The following TBC1D22A variants were observed in gnomAD, a reference collection of about 807,000 sequenced individuals.
TBC1D22A encodes TBC1 domain family member 22A.
In TBC1D22A, 38 loss-of-function variants were observed where a neutral mutation model predicts 60.2. The ratio of observed to expected loss-of-function variants is 0.63; its 90% CI spans 0.49 to 0.83. The LOEUF (loss-of-function observed/expected upper bound fraction) is 0.83. Ranked by LOEUF, TBC1D22A falls within the 40% of genes least tolerant of loss-of-function variation. TBC1D22A has a pLI of 0.00. For synonymous variants in TBC1D22A, 302 were observed against 281.7 expected (o/e 1.07, Z -0.72); for missense variants, 628 against 701.0 (o/e 0.90, Z 1.18).
In TBC1D22A at chr22:47,173,030, G is replaced by C. The variant is rs750725667; in HGVS notation, c.1426-468G>C. Among the ~76,000 whole-genome samples the C allele has an allele frequency of 4.4e-4, 67 of 152,388 alleles. 1 individual carries two copies. In the Middle Eastern group the frequency reaches 0.017, roughly 39 times the overall value. ...GGGGTGCTGCGGTACTTCCTGGGCTGATACAGGCTTTGTGGGAGTGGGAAG... is the reference window on the plus strand; with the variant it reads ...GGGGTGCTGCGGTACTTCCTGGGCTCATACAGGCTTTGTGGGAGTGGGAAG... On this transcript the variant is annotated intron_variant, in intron 12 of 12. Coordinates refer to ENST00000337137, the MANE Select transcript of TBC1D22A (RefSeq NM_014346.5).
intron 11 of TBC1D22A, among the ~76,000 whole-genome samples, chr22:47,050,268 G>T (rs971348168): frequency 2.6e-5 from 4 of 151,754 alleles, no homozygotes; most frequent in African/African-American, 9.7e-5. Context: ...GCCCCCCAGG[G>T]TGCTGGGATT....
At chr22:47,096,161 G>A (rs1207268720) in intron 11 of TBC1D22A, among the ~76,000 whole-genome samples, 1 of 152,218 alleles carries the variant, frequency 6.6e-6, no homozygotes, top group Non-Finnish European at 1.5e-5. Flanking sequence ...CAGATCTGTT[G>A]TCTATTTCTT....
At chr22:46,878,083 G>A (rs1360588601) in intron 4 of TBC1D22A, among the ~76,000 whole-genome samples, 1 of 151,848 alleles carries the variant, frequency 6.6e-6, no homozygotes, top group Non-Finnish European at 1.5e-5. Context: ...TGAAGACTTT[G>A]TTGTCTGTGT....
At chr22:46,957,676 G>T (rs2073277181) in intron 8 of TBC1D22A, among the ~76,000 whole-genome samples, 1 of 152,248 alleles carries the variant, frequency 6.6e-6, no homozygotes, top group South Asian at 2.1e-4. Flanking sequence ...CGGGATCCCA[G>T]AATGAGGACA....
At chr22:46,868,032 C>T (rs1372005115) in intron 4 of TBC1D22A, among the ~76,000 whole-genome samples, 4 of 152,164 alleles carry the variant, frequency 2.6e-5, no homozygotes, top group South Asian at 2.1e-4. Context: ...GACTGGAAGC[C>T]GCCATTGTTT....
At chr22:47,128,647 A>G (rs947019081) in intron 12 of TBC1D22A, among the ~76,000 whole-genome samples, 3 of 152,060 alleles carry the variant, frequency 2.0e-5, no homozygotes, top group Non-Finnish European at 2.9e-5. Flanking sequence ...CCGTGTGTTT[A>G]TTAAATCATC....
Position 46,878,768 on chromosome 22 carries a change from A to T in TBC1D22A, c.708+45A>T, listed in dbSNP as rs369096474. 4.0e-5 allele frequency: 63 copies of T among 1,589,728 alleles called. No homozygotes were observed. The East Asian group carries it at 4.9e-4, about 12-fold the overall frequency. On this transcript the variant is annotated intron_variant, in intron 5 of 12. Coordinates refer to ENST00000337137, the MANE Select transcript of TBC1D22A (RefSeq NM_014346.5). Reference sequence around the variant, plus strand: ...CCATCAGCGCCTCCTTCCTGTGCACAGGGACTGCAGGCGTCTGGCCTGAGT... The same window carrying T: ...CCATCAGCGCCTCCTTCCTGTGCACTGGGACTGCAGGCGTCTGGCCTGAGT...
chr22:47,156,819 C>T (rs1028682311), intron 12 of TBC1D22A, among the ~76,000 whole-genome samples: 24 of 152,188 alleles, frequency 1.6e-4, no homozygotes, highest in African/African-American at 5.1e-4. Flanking sequence ...ACCCGGGAGC[C>T]ACTGCTGCCC....
Position 46,997,636 on chromosome 22 carries a change from C to A in TBC1D22A, c.1128C>A (p.Asp376Glu). The change falls in exon 10 of 13, where the codon GAC (aspartate) becomes GAA (glutamate). Residue 376 changes from aspartate to glutamate, a missense_variant and splice_region_variant. Transcript: ENST00000337137. ...CMSKLLDGIQ[D>E]NYTFAQPGIQ... ...TCACATTATTCTTTTTTCCTTAGGA[C>A]AACTACACCTTTGCCCAACCTGGGA... 3 of 1,613,216 alleles carry A rather than the reference C, an allele frequency of 1.9e-6. No individual in the cohort carries two copies. Among genetic ancestry groups the A allele is most frequent in the Non-Finnish European group, 2.5e-6 (3 of 1,179,452 alleles).
intron 1 of TBC1D22A, chr22:46,763,172 G>C (rs1243507066): frequency 3.1e-6 from 1 of 321,034 alleles, no homozygotes; most frequent in Non-Finnish European, 5.7e-6. Flanking sequence ...ATGCTGTGAA[G>C]TTTGGTGGAG....
chr22:46,870,911 G>A lies in TBC1D22A; in HGVS notation c.638-7742G>A, dbSNP rs114437147. Among the ~76,000 whole-genome samples the A allele has an allele frequency of 2.9e-3, 443 of 152,140 alleles. 4 individuals are homozygous for A. Among genetic ancestry groups the A allele is most frequent in the African/African-American group, 9.8e-3 (405 of 41,488 alleles). ...CCACCTCCCAACACTGTTGCACTGG[G>A]GATTAACTTTCCAACACATGAATTT... On this transcript the variant is annotated intron_variant, in intron 4 of 12. Transcript: ENST00000337137.
intron 1 of TBC1D22A, among the ~76,000 whole-genome samples, chr22:46,770,841 T>C (rs942618574): frequency 3.3e-5 from 5 of 152,324 alleles, no homozygotes; most frequent in African/African-American, 9.6e-5. Context: ...TCAGTCCTGT[T>C]TTCCATGCAG....
At chr22:46,904,868 G>A (rs1374908634) in intron 7 of TBC1D22A, among the ~76,000 whole-genome samples, 1 of 150,910 alleles carries the variant, frequency 6.6e-6, no homozygotes, top group African/African-American at 2.4e-5. Flanking sequence ...TCCACCTCCC[G>A]GGTTCGCGCC....
chr22:47,143,902 G>T (rs1288834308), intron 12 of TBC1D22A, among the ~76,000 whole-genome samples: 4 of 152,228 alleles, frequency 2.6e-5, no homozygotes, highest in Non-Finnish European at 4.4e-5. Flanking sequence ...CACGTGGAGA[G>T]GTGTGCACTT....
At chr22:47,155,110 T>C (rs2067658598) in intron 12 of TBC1D22A, among the ~76,000 whole-genome samples, 1 of 152,028 alleles carries the variant, frequency 6.6e-6, no homozygotes, top group African/African-American at 2.4e-5. Flanking sequence ...GTCTCAGCCG[T>C]GTGCCTAGGG....
chr22:46,971,072 AT>A (rs1330337266), intron 8 of TBC1D22A, among the ~76,000 whole-genome samples: 1 of 152,200 alleles, frequency 6.6e-6, no homozygotes, highest in Non-Finnish European at 1.5e-5. Context: ...GGTAATTCCA[AT>A]TCTCCTGGCG....
At chr22:46,932,720 CTTTTTTT>C (rs67463903) in intron 8 of TBC1D22A, among the ~76,000 whole-genome samples, 3 of 66,322 alleles carry the variant, frequency 4.5e-5, no homozygotes, top group Admixed American at 1.9e-4. Context: ...GTCCTTCTTG[CTTTTTTT>C]TTTTTTTTTT....
chr22:47,157,994 C>T (rs191262977), intron 12 of TBC1D22A, among the ~76,000 whole-genome samples: 312 of 152,256 alleles, frequency 2.0e-3, no homozygotes, highest in African/African-American at 6.8e-3. Context: ...CTGTGCTGCC[C>T]GTCACCCTCC....
intron 8 of TBC1D22A, among the ~76,000 whole-genome samples, chr22:46,965,893 C>T (rs1239548405): frequency 6.6e-6 from 1 of 152,192 alleles, no homozygotes; most frequent in African/African-American, 2.4e-5. Flanking sequence ...GGCAGCATCT[C>T]CACCCGCCTG....
Sources: gnomAD v4.1 joint callset for allele counts (sites outside exome capture counted in the v4.1 genomes callset) on GRCh38, gnomAD v4.1.1 for gene constraint, MANE v1.5 for transcripts, NCBI Gene and HGNC (gene_info 2026-07-23, HGNC 2026-07-21) for gene names.